Variants in SAFB observed in about 807,000 individuals in gnomAD.
SAFB encodes the protein scaffold attachment factor B, also known as scaffold attachment factor B1.
Under a neutral mutation model 101.6 loss-of-function variants are expected in SAFB, and 15 were observed. That is an observed-to-expected ratio of 0.15 (90% CI 0.10 to 0.23). The LOEUF (loss-of-function observed/expected upper bound fraction) is 0.23. Among genes scored for constraint, SAFB ranks in the 10% least tolerant of loss-of-function variants. The pLI is 1.00. For missense variants in SAFB, 930 were observed against 1,104.1 expected (o/e 0.84, Z 2.23); for synonymous variants, 449 against 407.5 (o/e 1.10, Z -1.23).
chr19:5,632,752 G>T (rs554942581), intron 2 of SAFB, among the ~76,000 whole-genome samples: 17 of 152,152 alleles, frequency 1.1e-4, no homozygotes, highest in Non-Finnish European at 1.9e-4. Flanking sequence ...TTTTGTTTTG[G>T]TTTGAAACCG....
chr19:5,643,342 C>G (rs2053762099), intron 4 of SAFB, among the ~76,000 whole-genome samples: 1 of 152,036 alleles, frequency 6.6e-6, no homozygotes, highest in African/African-American at 2.4e-5. Flanking sequence ...TTGTTGTATG[C>G]CAGTCAATCC....
rs143563020 is a variant in SAFB, at chr19:5,623,127, C to T, written c.-79C>T. 8 of 1,401,864 alleles carry T rather than the reference C, an allele frequency of 5.7e-6. No individual in the cohort carries two copies. In the South Asian group the frequency reaches 6.4e-5, roughly 11 times the overall value. 86.8% of individuals were successfully genotyped at this position (1,401,864 alleles called of 1,614,324 possible). A position where few individuals can be genotyped will look rare whatever the true frequency, so the allele number is the denominator to read the frequency against. On this transcript the variant is annotated 5_prime_UTR_variant, in exon 1 of 21. Transcript: ENST00000588852. Reference sequence around the variant, plus strand: ...GCGACTGGAGCGGTTCCCTCGCAGGCGGCGCCATTTTGTGCTAGGAGCCTG... The same window carrying T: ...GCGACTGGAGCGGTTCCCTCGCAGGTGGCGCCATTTTGTGCTAGGAGCCTG...
rs907986151 is a variant in SAFB at position 5,631,059 on chromosome 19, G to A, written c.274+4570G>A. Among the ~76,000 whole-genome samples, 6 of 151,900 alleles carry A rather than the reference G, an allele frequency of 3.9e-5. No individual in the cohort carries two copies. In the South Asian group the frequency reaches 1.2e-3, roughly 32 times the overall value. Reference sequence around the variant, plus strand: ...ACAAAAATTAGCTGGGCATGGTGGCGGATGCCTGTAATCCCAGCTACTCGG... The same window carrying A: ...ACAAAAATTAGCTGGGCATGGTGGCAGATGCCTGTAATCCCAGCTACTCGG... On this transcript the variant is annotated intron_variant, in intron 2 of 20. Transcript: ENST00000588852.
chr19:5,634,161 A>C (rs567940578), intron 2 of SAFB, among the ~76,000 whole-genome samples: 12 of 152,268 alleles, frequency 7.9e-5, no homozygotes, highest in African/African-American at 2.6e-4. Context: ...ATCACTAATT[A>C]GAGAAAAATT....
chr19:5,664,852 C>T (rs769948844), intron 17 of SAFB: 3 of 225,846 alleles, frequency 1.3e-5, no homozygotes, highest in Non-Finnish European at 2.7e-5. Context: ...GTAAGGACAT[C>T]CTTCATCACC....
chr19:5,667,563 A>C lies in SAFB; in HGVS notation c.2557+113A>C, dbSNP rs1469719561. ...GGAGGTGCTCTGCTCTCAGTGCTGGAATGAGGAATGAAGAGCACTCCAGAC... is the reference window on the plus strand; with the variant it reads ...GGAGGTGCTCTGCTCTCAGTGCTGGCATGAGGAATGAAGAGCACTCCAGAC... On this transcript the variant is annotated intron_variant, in intron 19 of 20. Transcript: ENST00000588852. This position sits in a 1 kb window ranked among gnomAD's most constrained non-coding sequence, Gnocchi z 4.0. The C allele has an allele frequency of 1.2e-6, 1 of 808,724 alleles. No individual in the cohort carries two copies. Among genetic ancestry groups the C allele is most frequent in the East Asian group, 2.7e-5 (1 of 37,020 alleles). 50.1% of individuals were successfully genotyped at this position (808,724 alleles called of 1,614,324 possible).
At chr19:5,664,892 C>T (rs2054293819) in intron 17 of SAFB, 1 of 191,668 alleles carries the variant, frequency 5.2e-6, no homozygotes, top group Non-Finnish European at 1.1e-5. Context: ...TGGAAAACAA[C>T]TAGATCTGTG....
intron 2 of SAFB, among the ~76,000 whole-genome samples, chr19:5,636,461 T>C (rs1298150292): frequency 6.6e-6 from 1 of 152,100 alleles, no homozygotes; most frequent in African/African-American, 2.4e-5. Flanking sequence ...TGGTATAAAA[T>C]GGGGATGGAT....
chr19:5,631,187 C>G (rs2053482803), intron 2 of SAFB, among the ~76,000 whole-genome samples: 1 of 151,920 alleles, frequency 6.6e-6, no homozygotes, highest in African/African-American at 2.4e-5. Flanking sequence ...AAGACTGTGT[C>G]TCAAAAAAAA....
chr19:5,664,616 G>A (rs939267988), intron 17 of SAFB, 177 bp downstream of exon 17: 1 of 587,368 alleles, frequency 1.7e-6, no homozygotes, highest in Non-Finnish European at 3.0e-6. Flanking sequence ...TTTGGGGTTA[G>A]TCTTGGCTGT....
intron 4 of SAFB, among the ~76,000 whole-genome samples, chr19:5,643,668 G>T (rs1002340940): frequency 6.6e-6 from 1 of 152,100 alleles, no homozygotes; most frequent in Non-Finnish European, 1.5e-5. Flanking sequence ...CATCCTAAAT[G>T]CCTGGAAGCA....
chr19:5,668,143 A>G lies in SAFB; in HGVS notation c.2625-19A>G. On this transcript the variant is annotated intron_variant, in intron 20 of 20. Coordinates refer to ENST00000588852, the MANE Select transcript of SAFB (RefSeq NM_001201338.2). ...AGCAGGAGGACTTCGCAGTCAAACC[A>G]ATGTGAATTTGTTCCTAGGCGCGGC... The G allele has an allele frequency of 6.2e-7, 1 of 1,604,552 alleles. No individual in the cohort carries two copies. The highest frequency in any genetic ancestry group is 2.3e-5 in the East Asian group (1 of 44,368).
At chr19:5,657,416 T>G in intron 14 of SAFB, 69 bp downstream of exon 14, 4 of 1,099,036 alleles carry the variant, frequency 3.6e-6, no homozygotes, top group Non-Finnish European at 5.5e-6. Context: ...TCTGGAAGGA[T>G]GTTTGCAGAG....
At chr19:5,625,181 T>G (rs2053330700) in intron 1 of SAFB, among the ~76,000 whole-genome samples, 1 of 152,224 alleles carries the variant, frequency 6.6e-6, no homozygotes, top group Non-Finnish European at 1.5e-5. Flanking sequence ...GATCTCATTC[T>G]CTTCCCGTTT....
chr19:5,630,438 C>T (rs1401522401), intron 2 of SAFB, among the ~76,000 whole-genome samples: 1 of 152,160 alleles, frequency 6.6e-6, no homozygotes, highest in African/African-American at 2.4e-5. Flanking sequence ...TTTTATGTTA[C>T]GCTTTAAAAG....
intron 11 of SAFB, 42 bp downstream of exon 11, chr19:5,653,462 T>TG (rs1568270342): frequency 8.9e-6 from 14 of 1,571,642 alleles, no homozygotes; most frequent in Non-Finnish European, 1.1e-5. Context: ...CAGGGTGTTT[T>TG]TTGTTGTTGT....
intron 2 of SAFB, among the ~76,000 whole-genome samples, chr19:5,631,750 A>G (rs956268231): frequency 5.3e-5 from 8 of 152,156 alleles, no homozygotes; most frequent in African/African-American, 1.7e-4. Flanking sequence ...CAGACTCTCA[A>G]AATAATTATC....
Position 5,667,639 on chromosome 19 carries a change from C to T in SAFB, c.2558-181C>T, listed in dbSNP as rs890632203. On this transcript the variant is annotated intron_variant, in intron 19 of 20. Coordinates refer to ENST00000588852, the MANE Select transcript of SAFB (RefSeq NM_001201338.2). This position sits in a 1 kb window ranked among gnomAD's most constrained non-coding sequence, Gnocchi z 4.0. ...CCAGGAGTTGGACAGTGGGCGTTCC[C>T]GAGTTCTCTCTGCTGGGAGGAAGCT... 12 of 707,782 alleles carry T rather than the reference C, an allele frequency of 1.7e-5. No homozygotes were observed. The highest frequency in any genetic ancestry group is 1.4e-4 in the African/African-American group (8 of 55,660). The allele number at this position is 707,782 out of a possible 1,614,324, so 43.8% of individuals were successfully genotyped here.
At chr19:5,625,630 C>T (rs1216831010) in intron 1 of SAFB, among the ~76,000 whole-genome samples, 1 of 152,164 alleles carries the variant, frequency 6.6e-6, no homozygotes, top group Non-Finnish European at 1.5e-5. Flanking sequence ...GGGACGTCAT[C>T]GTGATTGACG....
Sources: allele counts gnomAD v4.1 joint callset (sites outside exome capture counted in the v4.1 genomes callset), GRCh38; gene constraint gnomAD v4.1.1; non-coding constraint Gnocchi (gnomAD v3.1); transcripts MANE v1.5; gene names NCBI Gene and HGNC (gene_info 2026-07-23, HGNC 2026-07-21).